Variants in LDHAL6A observed in about 807,000 individuals in gnomAD.
The protein encoded by LDHAL6A is lactate dehydrogenase A like 6A, also known as L-lactate dehydrogenase A-like 6A.
In LDHAL6A, 19 loss-of-function variants were observed where a neutral mutation model predicts 28.2. The observed-to-expected ratio is 0.67, with a 90% confidence interval of 0.47 to 0.99. The LOEUF is 0.99. LDHAL6A is among the 50% of genes least tolerant of loss of function. The pLI is 0.00. For missense variants in LDHAL6A, 372 were observed against 398.6 expected (o/e 0.93, Z 0.57); for synonymous variants, 144 against 134.4 (o/e 1.07, Z -0.49).
chr11:18,475,768 T>G (rs1849361560), intron 4 of LDHAL6A, 129 bp downstream of exon 4: 1 of 635,528 alleles, frequency 1.6e-6, no homozygotes, highest in East Asian at 3.1e-5. Context: ...TAGTAGCGTT[T>G]AATTTTTACC....
chr11:18,478,444 C>T (rs758440261), intron 6 of LDHAL6A, among the ~76,000 whole-genome samples: 7 of 152,004 alleles, frequency 4.6e-5, no homozygotes, highest in African/African-American at 7.3e-5. Flanking sequence ...CCTGTAGTCC[C>T]AGCTACTTGG....
Position 18,465,013 on chromosome 11 carries a change from G to C in LDHAL6A, c.245-624G>C, listed in dbSNP as rs1195914950. ...TTTTGTTTTGTTTTGGTTTGTTTTT[G>C]AGACAGTGTCTTGCTATGTTGGTGC... On this transcript the variant is annotated intron_variant, in intron 2 of 6. Coordinates refer to ENST00000280706, the MANE Select transcript of LDHAL6A (RefSeq NM_144972.5). Among the ~76,000 whole-genome samples, 4 of 101,218 alleles carry C rather than the reference G, an allele frequency of 4.0e-5. No homozygotes were observed. The Admixed American group carries it at 4.3e-4, about 11-fold the overall frequency. The allele number at this position is 101,218 out of a possible 152,430, so 66.4% of individuals were successfully genotyped here.
At chr11:18,467,775 T>C (rs1849108423) in intron 3 of LDHAL6A, among the ~76,000 whole-genome samples, 2 of 148,756 alleles carry the variant, frequency 1.3e-5, no homozygotes, top group South Asian at 4.2e-4. Flanking sequence ...AGAGAATCGC[T>C]TGAACCCAGG....
Position 18,456,104 on chromosome 11 carries a change from A to G in LDHAL6A, c.-577A>G, listed in dbSNP as rs1024261439. On this transcript the variant is annotated 5_prime_UTR_variant, in exon 1 of 7. Transcript: ENST00000280706. ...GTGAGTGGCCATGAGCTGGGCTGCA[A>G]GAGTCCTGGGGAGCAGCCAGAGAGC... 3.9e-5 allele frequency: 6 copies of G among 153,822 alleles called. No individual in the cohort carries two copies. Among genetic ancestry groups the G allele is most frequent in the African/African-American group, 1.4e-4 (6 of 41,482 alleles). 9.5% of individuals were successfully genotyped at this position (153,822 alleles called of 1,614,324 possible). A position where few individuals can be genotyped will look rare whatever the true frequency, so the allele number is the denominator to read the frequency against.
rs1477395872 is a variant in LDHAL6A, at chr11:18,465,897, A to G, written c.418+87A>G. 4.5e-6 allele frequency: 5 copies of G among 1,099,440 alleles called. No individual in the cohort carries two copies. The Admixed American group carries it at 1.1e-4, about 24-fold the overall frequency. The allele number at this position is 1,099,440 out of a possible 1,614,324, so 68.1% of individuals were successfully genotyped here. A position where few individuals can be genotyped will look rare whatever the true frequency, so the allele number is the denominator to read the frequency against. ...TACATGAGTATACTGTGTGATGCTG[A>G]GGTTTGGGGTAGGATTGATCCTGCC... On this transcript the variant is annotated intron_variant, in intron 3 of 6. Coordinates refer to ENST00000280706, the MANE Select transcript of LDHAL6A (RefSeq NM_144972.5).
At chr11:18,465,001 T>TTTTTTTTTTTTTTTTTTTTTTTTTTTTTG (rs1849025165) in intron 2 of LDHAL6A, among the ~76,000 whole-genome samples, 3 of 144,514 alleles carry the variant, frequency 2.1e-5, no homozygotes, top group African/African-American at 8.1e-5. Flanking sequence ...TGTTTTGTTT[T>TTTTTTTTTTTTTTTTTTTTTTTTTTTTTG]GGTTTGTTTT....
Position 18,478,738 on chromosome 11 carries a change from T to TA in LDHAL6A, c.868dup (p.Ser290LysfsTer22). 1 of 1,612,250 alleles carries TA rather than the reference T, an allele frequency of 6.2e-7. No individual in the cohort carries two copies. The highest frequency in any genetic ancestry group is 1.7e-4 in the Middle Eastern group (1 of 6,056). ...ATGGAATAAATGAAGACATATTCCT[T>TA]AGTGTCCCATGTATCCTGGGAGAGA... On this transcript the variant is annotated frameshift_variant, in exon 7 of 7. Transcript: ENST00000280706. LOFTEE classifies it low-confidence loss of function (END_TRUNC).
intron 3 of LDHAL6A, among the ~76,000 whole-genome samples, chr11:18,473,716 G>GT (rs1244546196): frequency 6.6e-6 from 1 of 152,100 alleles, no homozygotes; most frequent in Non-Finnish European, 1.5e-5. Flanking sequence ...ATTCTTGGTA[G>GT]TTTTTTTCTC....
At chr11:18,471,781 AAT>A (rs896133145) in intron 3 of LDHAL6A, among the ~76,000 whole-genome samples, 5 of 150,664 alleles carry the variant, frequency 3.3e-5, no homozygotes, top group Non-Finnish European at 5.9e-5. Context: ...AAAAAAAAAA[AAT>A]TTTTTCCAAA....
intron 3 of LDHAL6A, among the ~76,000 whole-genome samples, chr11:18,468,071 A>ACG (rs1243723391): frequency 4.0e-5 from 5 of 126,236 alleles, no homozygotes; most frequent in African/African-American, 9.3e-5. Context: ...ACATATATAT[A>ACG]TATATATTTT....
At chr11:18,469,323 G>C in intron 3 of LDHAL6A, 2 of 439,588 alleles carry the variant, frequency 4.5e-6, no homozygotes, top group Non-Finnish European at 8.1e-6. Flanking sequence ...GCGTCATTAA[G>C]GTTATATGAT....
At position 18,478,473 on chromosome 11, in the gene LDHAL6A, T is replaced by C. The variant is rs181582023; in HGVS notation, c.835-233T>C. Reference sequence around the variant, plus strand: ...TACTTGGGAGGCTGAGGTGGGAGAATGGCGTGAACCCGGGAGGCGGAGCTT... The same window carrying C: ...TACTTGGGAGGCTGAGGTGGGAGAACGGCGTGAACCCGGGAGGCGGAGCTT... On this transcript the variant is annotated intron_variant, in intron 6 of 6. Coordinates refer to ENST00000280706, the MANE Select transcript of LDHAL6A (RefSeq NM_144972.5). Among the ~76,000 whole-genome samples the C allele has an allele frequency of 7.4e-3, 1,124 of 151,992 alleles. 8 individuals are homozygous for C. Among genetic ancestry groups the C allele is most frequent in the African/African-American group, 0.026 (1,064 of 41,430 alleles).
chr11:18,462,654 ACAAAAAAAAAAAC>A (rs1565067306), intron 1 of LDHAL6A, among the ~76,000 whole-genome samples: 1 of 60,000 alleles, frequency 1.7e-5, no homozygotes, highest in Non-Finnish European at 3.5e-5. Context: ...AAACAAACAA[ACAAAAAAAAAAAC>A]AAAAAAAACC....
At position 18,462,961 on chromosome 11, in the gene LDHAL6A, T is replaced by G. The variant is rs35002864; in HGVS notation, c.127-1000T>G. On this transcript the variant is annotated intron_variant, in intron 1 of 6. Transcript: ENST00000280706. ...AGTTTCTTGTATTTCTAGTGTTTTT[T>G]TTTTTTCAAATAGAAGTATATTTTC... 2.0e-5 allele frequency among the ~76,000 whole-genome samples: 3 copies of G among 148,456 alleles called. 1 individual carries two copies. The highest frequency in any genetic ancestry group is 3.4e-3 in the Middle Eastern group (1 of 292).
chr11:18,468,234 A>G (rs1015603190), intron 3 of LDHAL6A: 12 of 149,058 alleles, frequency 8.1e-5, no homozygotes, highest in South Asian at 2.1e-4. Flanking sequence ...TGTTTCCAGT[A>G]TTTTCTCTTT....
intron 5 of LDHAL6A, among the ~76,000 whole-genome samples, chr11:18,477,106 G>A (rs1295020012): frequency 1.3e-5 from 2 of 151,942 alleles, no homozygotes; most frequent in South Asian, 2.1e-4. Context: ...CCAGGAGGTC[G>A]AGGTGAGCTC....
At chr11:18,462,055 C>T (rs900892005) in intron 1 of LDHAL6A, among the ~76,000 whole-genome samples, 1 of 151,618 alleles carries the variant, frequency 6.6e-6, no homozygotes, top group Non-Finnish European at 1.5e-5. Context: ...GCCTGTTGTC[C>T]CAGCTACCCA....
At chr11:18,457,249 C>T (rs1848783922) in intron 1 of LDHAL6A, among the ~76,000 whole-genome samples, 5 of 152,160 alleles carry the variant, frequency 3.3e-5, no homozygotes, top group African/African-American at 1.2e-4. Context: ...TCCCTTCGTT[C>T]CTTATTCATG....
Position 18,478,829 on chromosome 11 carries a change from G to C in LDHAL6A, c.958G>C (p.Ala320Pro), listed in dbSNP as rs376455589. 3 of 1,613,476 alleles carry C rather than the reference G, an allele frequency of 1.9e-6. No individual in the cohort carries two copies. The highest frequency in any genetic ancestry group is 2.5e-6 in the Non-Finnish European group (3 of 1,179,910). ...AGAGGAGGCCTGCTTGCAAAAGAGT[G>C]CAGAAACACTTTGGGAAATTCAGAA... ...LEEEACLQKS[A>P]ETLWEIQKEL... Residue 320 changes from alanine to proline, a missense_variant, in exon 7 of 7, where the codon GCA becomes CCA. Physicochemically the swap from Ala to Pro is conservative, Grantham distance 27 (BLOSUM62 -1). Transcript: ENST00000280706.
Sources: gnomAD v4.1 joint callset for allele counts (sites outside exome capture counted in the v4.1 genomes callset) on GRCh38, gnomAD v4.1.1 for gene constraint, MANE v1.5 for transcripts, NCBI Gene and HGNC (gene_info 2026-07-23, HGNC 2026-07-21) for gene names.